Variants in MTA3 observed in about 807,000 individuals in gnomAD.
The protein encoded by MTA3 is metastasis associated 1 family member 3.
Under a neutral mutation model 83.5 loss-of-function variants are expected in MTA3, and 34 were observed. That is an observed-to-expected ratio of 0.41 (90% CI 0.31 to 0.54). The LOEUF is 0.54. Ranked by LOEUF, MTA3 falls within the 20% of genes least tolerant of loss-of-function variation. MTA3 has a pLI of 0.33. For missense variants in MTA3, 761 were observed against 726.4 expected, an observed-to-expected ratio of 1.05 and a Z score of -0.55; for synonymous variants, 303 against 252.7, an observed-to-expected ratio of 1.20 and a Z score of -1.89.
chr2:42,529,377 C>G (rs532976197), intron 2 of MTA3, among the ~76,000 whole-genome samples: 1 of 152,324 alleles, frequency 6.6e-6, no homozygotes, highest in East Asian at 1.9e-4. Flanking sequence ...CACAGCTTCA[C>G]CAGCCCCTGG....
At chr2:42,502,488 T>C (rs981216531) in intron 2 of MTA3, among the ~76,000 whole-genome samples, 27 of 152,268 alleles carry the variant, frequency 1.8e-4, no homozygotes, top group Middle Eastern at 3.4e-3. Flanking sequence ...TCCTTAGCTA[T>C]TATTGTTATT....
intron 4 of MTA3, among the ~76,000 whole-genome samples, chr2:42,623,408 C>T (rs772089162): frequency 3.3e-5 from 5 of 152,162 alleles, no homozygotes; most frequent in Non-Finnish European, 7.4e-5. Context: ...CCTGGACTCC[C>T]TGGACATAAG....
At chr2:42,748,024 T>C (rs1669570307) in intron 16 of MTA3, among the ~76,000 whole-genome samples, 1 of 152,028 alleles carries the variant, frequency 6.6e-6, no homozygotes, top group South Asian at 2.1e-4. Context: ...TTATATTTTC[T>C]AGAATTAGTT....
chr2:42,640,183 A>C lies in MTA3; in HGVS notation c.328A>C (p.Ser110Arg), dbSNP rs1323409869. 6.2e-7 allele frequency: 1 copy of C among 1,606,152 alleles called. No homozygotes were observed. The highest frequency in any genetic ancestry group is 1.7e-5 in the Admixed American group (1 of 59,240). The change falls in exon 5 of 17, where the codon AGT (serine) becomes CGT (arginine). Residue 110 changes from serine (S) to arginine (R), a missense_variant. Transcript: ENST00000405094. ...TTTCTTTTTCAACAGGGGAAAGTGC[A>C]GTGTTGCCCTTCTGAATGAGACAGA... ...LPATHIRGKCSVALLNETESV... is the reference protein window; with the variant it reads ...LPATHIRGKCRVALLNETESV...
At chr2:42,721,137 T>A (rs1667380797) in intron 15 of MTA3, among the ~76,000 whole-genome samples, 1 of 151,984 alleles carries the variant, frequency 6.6e-6, no homozygotes, top group South Asian at 2.1e-4. Context: ...TGAGTATTTA[T>A]ATGTTGAAAA....
Position 42,535,442 on chromosome 2 carries a change from G to A in MTA3, c.-140-34995G>A, listed in dbSNP as rs368492959. Among the ~76,000 whole-genome samples the A allele has an allele frequency of 1.8e-3, 277 of 152,028 alleles. 2 individuals are homozygous for A. The South Asian group carries it at 0.022, about 12-fold the overall frequency. On this transcript the variant is annotated intron_variant, in intron 2 of 17. Coordinates refer to the MTA3 transcript ENST00000405592. ...AAAATTTTTTTGTGTGTGGAGATGGGATCTCACCATGTTGCACAGGCTGAT... is the reference window on the plus strand; with the variant it reads ...AAAATTTTTTTGTGTGTGGAGATGGAATCTCACCATGTTGCACAGGCTGAT...
intron 6 of MTA3, among the ~76,000 whole-genome samples, chr2:42,648,063 A>C (rs1486214520): frequency 1.3e-5 from 2 of 150,890 alleles, no homozygotes; most frequent in Non-Finnish European, 3.0e-5. Context: ...CTGGTCTTGA[A>C]CTCCTGACCT....
At chr2:42,516,533 G>C (rs772447687) in intron 2 of MTA3, among the ~76,000 whole-genome samples, 3 of 152,214 alleles carry the variant, frequency 2.0e-5, no homozygotes, top group Non-Finnish European at 4.4e-5. Context: ...ATAAACCCAA[G>C]GCAACTGTTA....
intron 6 of MTA3, among the ~76,000 whole-genome samples, chr2:42,654,714 AAGCAGCC>A (rs1689005790): frequency 1.3e-5 from 2 of 152,200 alleles, no homozygotes; most frequent in African/African-American, 2.4e-5. Flanking sequence ...TCCTGGGCTG[AAGCAGCC>A]TTTCCACCTC....
intron 2 of MTA3, among the ~76,000 whole-genome samples, chr2:42,497,390 G>A (rs1177025631): frequency 2.0e-5 from 3 of 151,956 alleles, no homozygotes; most frequent in Non-Finnish European, 4.4e-5. Flanking sequence ...TTCGAGAGCA[G>A]CCTGGCCAAG....
chr2:42,671,672 A>G (rs1470974348), intron 8 of MTA3, among the ~76,000 whole-genome samples: 2 of 152,186 alleles, frequency 1.3e-5, no homozygotes, highest in African/African-American at 2.4e-5. Context: ...AATTTGCCTT[A>G]TAATTTTTAA....
intron 4 of MTA3, among the ~76,000 whole-genome samples, chr2:42,619,727 T>C (rs1397291396): frequency 6.6e-6 from 1 of 152,200 alleles, no homozygotes; most frequent in Non-Finnish European, 1.5e-5. Flanking sequence ...TATTATTTCT[T>C]TATGCCCAGA....
At chr2:42,715,288 T>A (rs1373120508) in intron 14 of MTA3, among the ~76,000 whole-genome samples, 1 of 152,168 alleles carries the variant, frequency 6.6e-6, no homozygotes, top group Non-Finnish European at 1.5e-5. Context: ...CAGGGCCAAC[T>A]GTATTTTTCC....
chr2:42,616,248 A>G (rs530893333), intron 4 of MTA3, among the ~76,000 whole-genome samples: 38 of 152,002 alleles, frequency 2.5e-4, no homozygotes, highest in Non-Finnish European at 4.0e-4. Context: ...TTTTTAGTTG[A>G]GACGGGGTTT....
At chr2:42,599,021 T>C (rs1436092453) in intron 3 of MTA3, among the ~76,000 whole-genome samples, 1 of 152,162 alleles carries the variant, frequency 6.6e-6, no homozygotes, top group African/African-American at 2.4e-5. Context: ...CACCTAGGAA[T>C]GTGGAGAATG....
intron 10 of MTA3, 137 bp downstream of exon 10, chr2:42,695,976 T>G (rs1211978669): frequency 5.3e-6 from 3 of 570,812 alleles, no homozygotes; most frequent in Admixed American, 3.5e-5. Context: ...CTACATGATT[T>G]CATATCTTTA....
intron 2 of MTA3, among the ~76,000 whole-genome samples, chr2:42,521,701 G>T (rs1285973288): frequency 6.6e-6 from 1 of 150,782 alleles, no homozygotes; most frequent in African/African-American, 2.4e-5. Flanking sequence ...TGTCAGACTG[G>T]CTAATCTAGG....
intron 5 of MTA3, among the ~76,000 whole-genome samples, chr2:42,642,939 C>T (rs148440167): frequency 7.2e-5 from 11 of 152,096 alleles, no homozygotes; most frequent in Non-Finnish European, 1.3e-4. Context: ...GCCACTGCAC[C>T]TGGCCTAAGC....
intron 2 of MTA3, among the ~76,000 whole-genome samples, chr2:42,555,909 T>A (rs1677364300): frequency 6.8e-6 from 1 of 147,388 alleles, no homozygotes; most frequent in African/African-American, 2.5e-5. Flanking sequence ...CTGCCTCTAC[T>A]AAAAATATAA....
Sources: allele counts gnomAD v4.1 joint callset (sites outside exome capture counted in the v4.1 genomes callset), GRCh38; gene constraint gnomAD v4.1.1; transcripts MANE v1.5; gene names NCBI Gene and HGNC (gene_info 2026-07-23, HGNC 2026-07-21).